Variants in RDX observed in about 807,000 individuals in gnomAD.
The protein encoded by RDX is deafness, autosomal recessive 24.
In RDX, 32 loss-of-function variants were observed where a neutral mutation model predicts 83.7. That is an observed-to-expected ratio of 0.38 (90% confidence interval 0.29 to 0.51). The LOEUF (loss-of-function observed/expected upper bound fraction) is 0.51. RDX is among the 20% of genes least tolerant of loss of function. The pLI, the probability that RDX is intolerant of heterozygous loss-of-function variation, is 0.87. For missense variants in RDX, 600 were observed against 689.9 expected, an observed-to-expected ratio of 0.87 and a Z score of 1.46; for synonymous variants, 229 against 222.7, an observed-to-expected ratio of 1.03 and a Z score of -0.25.
chr11:110,256,715 C>G (rs1367918668), intron 7 of RDX, among the ~76,000 whole-genome samples: 5 of 151,976 alleles, frequency 3.3e-5, no homozygotes, highest in African/African-American at 1.2e-4. Flanking sequence ...TTCTCTAAAA[C>G]AAAAGAAAAA....
At position 110,217,320 on chromosome 11, in the gene RDX, T is replaced by C. The variant is rs1398419768; in HGVS notation, c.1748+14553A>G. Reference sequence around the variant, plus strand: ...ATTCAACCTAGTAATACAATTTGTATTAATTATTCTGTTTTCCAGTGTTTG... The same window carrying C: ...ATTCAACCTAGTAATACAATTTGTACTAATTATTCTGTTTTCCAGTGTTTG... On this transcript the variant is annotated intron_variant, in intron 14 of 15. Coordinates refer to the RDX transcript ENST00000528498. Among the ~76,000 whole-genome samples, 4 of 152,322 alleles carry C rather than the reference T, an allele frequency of 2.6e-5. No homozygotes were observed. In the East Asian group the frequency reaches 5.8e-4, roughly 22 times the overall value.
In RDX at chr11:110,230,579, T is replaced by TACGTACACACAC. The variant is rs1555036361; in HGVS notation, c.*1289_*1290insGTGTGTGTACGT. 6.8e-6 allele frequency: 1 copy of TACGTACACACAC among 147,068 alleles called. No homozygotes were observed. Among genetic ancestry groups the TACGTACACACAC allele is most frequent in the Non-Finnish European group, 1.5e-5 (1 of 66,404 alleles). 9.1% of individuals were successfully genotyped at this position (147,068 alleles called of 1,614,324 possible). On this transcript the variant is annotated 3_prime_UTR_variant, in exon 14 of 14. Coordinates refer to ENST00000645495, the MANE Select transcript of RDX (RefSeq NM_002906.4). ...TTCTCTCTCTCATACACACACAGAG[T>TACGTACACACAC]ACACACACACACACACACACACACA...
chr11:110,265,116 T>G (rs1411710690), intron 3 of RDX, among the ~76,000 whole-genome samples: 4 of 150,340 alleles, frequency 2.7e-5, no homozygotes, highest in African/African-American at 4.9e-5. Context: ...TTTGTTTTTT[T>G]TTTTTTTGTT....
At chr11:110,291,952 C>A (rs915411463) in intron 1 of RDX, among the ~76,000 whole-genome samples, 2 of 152,018 alleles carry the variant, frequency 1.3e-5, no homozygotes, top group African/African-American at 4.8e-5. Flanking sequence ...TTGAGACCAG[C>A]CTGGGCAACA....
chr11:110,185,518 T>A (rs1862969263), intron 15 of RDX: 1 of 152,268 alleles, frequency 6.6e-6, no homozygotes. Flanking sequence ...TGGGCCCCAC[T>A]GCTGACATGC....
In RDX at chr11:110,223,309, C is replaced by T. The variant is rs1324511891; in HGVS notation, c.1748+8564G>A. ...TGGAGCTTGCAGTGAGCGGAGATTG[C>T]GCCACTGCACTCCAGCCTGGGCGAC... On this transcript the variant is annotated intron_variant, in intron 14 of 15. Coordinates refer to the RDX transcript ENST00000528498. Among the ~76,000 whole-genome samples, 5 of 151,942 alleles carry T rather than the reference C, an allele frequency of 3.3e-5. No homozygotes were observed. The East Asian group carries it at 7.7e-4, about 23-fold the overall frequency.
chr11:110,205,832 CATA>C lies in RDX; in HGVS notation c.1749-6157_1749-6155del, dbSNP rs1393013158. 2.6e-5 allele frequency among the ~76,000 whole-genome samples: 4 copies of C among 152,212 alleles called. No homozygotes were observed. The East Asian group carries it at 7.7e-4, about 29-fold the overall frequency. On this transcript the variant is annotated intron_variant, in intron 14 of 15. Coordinates refer to the RDX transcript ENST00000528498. Reference sequence around the variant, plus strand: ...AGTAAAGTTGAAGATGTGCATATTCCATAATGACAGACAACTCCCCTCCCTAGG... The same window carrying C: ...AGTAAAGTTGAAGATGTGCATATTCCATGACAGACAACTCCCCTCCCTAGG...
chr11:110,215,045 AAAAAAT>A (rs1591517406), intron 14 of RDX, among the ~76,000 whole-genome samples: 1 of 91,766 alleles, frequency 1.1e-5, no homozygotes, highest in Non-Finnish European at 2.3e-5. Context: ...ACAAAAAAAA[AAAAAAT>A]ATATATATAT....
chr11:110,210,875 T>C (rs976005321), intron 14 of RDX, among the ~76,000 whole-genome samples: 7 of 152,044 alleles, frequency 4.6e-5, no homozygotes, highest in African/African-American at 9.7e-5. Flanking sequence ...GTACCAGCCA[T>C]TGCAAAATCA....
chr11:110,252,387 G>A (rs1019777227), intron 9 of RDX, among the ~76,000 whole-genome samples: 4 of 152,060 alleles, frequency 2.6e-5, no homozygotes, highest in Non-Finnish European at 5.9e-5. Context: ...TGAAATAAAG[G>A]ATATATAGAT....
intron 14 of RDX, among the ~76,000 whole-genome samples, chr11:110,205,723 G>A (rs867269120): frequency 3.3e-5 from 5 of 152,100 alleles, no homozygotes; most frequent in East Asian, 3.9e-4. Context: ...CTATCAAATC[G>A]GCAGAAATTG....
chr11:110,228,870 A>G (rs1007849539), downstream of RDX, among the ~76,000 whole-genome samples: 1 of 151,940 alleles, frequency 6.6e-6, no homozygotes, highest in African/African-American at 2.4e-5. Context: ...GAGTAAAAAA[A>G]TCACTATGTG....
At chr11:110,257,972 C>T (rs1436932071) in intron 6 of RDX, 59 bp from the exon 7 acceptor site, 1 of 1,549,140 alleles carries the variant, frequency 6.5e-7, no homozygotes, top group Non-Finnish European at 8.9e-7. Context: ...ACTAAAGTTG[C>T]AAAATACCTG....
At chr11:110,251,547 T>C (rs1859342169) in intron 9 of RDX, among the ~76,000 whole-genome samples, 1 of 152,144 alleles carries the variant, frequency 6.6e-6, no homozygotes, top group Admixed American at 6.6e-5. Flanking sequence ...AGCCCAGATT[T>C]ATCTAGTTCC....
intron 3 of RDX, among the ~76,000 whole-genome samples, chr11:110,270,023 A>T (rs997751945): frequency 6.6e-6 from 1 of 152,114 alleles, no homozygotes; most frequent in Non-Finnish European, 1.5e-5. Context: ...GCCTGGGGCG[A>T]CAGGAGTGAG....
At chr11:110,225,543 A>G (rs1864403458), downstream of RDX, among the ~76,000 whole-genome samples, 1 of 152,242 alleles carries the variant, frequency 6.6e-6, no homozygotes, top group South Asian at 2.1e-4. Flanking sequence ...TATCAAAGGA[A>G]AATGCAAGTC....
intron 5 of RDX, among the ~76,000 whole-genome samples, chr11:110,262,833 C>T (rs1166447079): frequency 2.0e-5 from 3 of 152,202 alleles, no homozygotes; most frequent in Admixed American, 6.5e-5. Context: ...AGGGTGGAAT[C>T]GGTACTCAAA....
intron 15 of RDX, chr11:110,195,934 G>C (rs970795584): frequency 6.6e-6 from 1 of 152,144 alleles, no homozygotes; most frequent in African/African-American, 2.4e-5. Context: ...ATCTTGCTAA[G>C]GTCTGTCTTT....
At chr11:110,188,937 A>G (rs1004840807) in intron 15 of RDX, among the ~76,000 whole-genome samples, 2 of 152,164 alleles carry the variant, frequency 1.3e-5, no homozygotes, top group South Asian at 4.1e-4. Context: ...AAGCAACCGC[A>G]CAATAGAAAC....
Sources: gnomAD v4.1 joint callset for allele counts (sites outside exome capture counted in the v4.1 genomes callset) on GRCh38, gnomAD v4.1.1 for gene constraint, MANE v1.5 for transcripts, NCBI Gene and HGNC (gene_info 2026-07-23, HGNC 2026-07-21) for gene names.